NCKAP1: variants seen among roughly 807,000 people sequenced by gnomAD.
The protein encoded by NCKAP1 is nck-associated protein 1.
In NCKAP1, 21 loss-of-function variants were observed where a neutral mutation model predicts 151.2. That is an observed-to-expected ratio of 0.14 (90% CI 0.10 to 0.20). NCKAP1 has a LOEUF of 0.20. Ranked by LOEUF, NCKAP1 falls within the 10% of genes least tolerant of loss-of-function variation. The pLI, the probability that NCKAP1 is intolerant of heterozygous loss-of-function variation, is 1.00. For missense variants in NCKAP1, 933 were observed against 1,352.1 expected (o/e 0.69, Z 4.86); for synonymous variants, 484 against 451.8 (o/e 1.07, Z -0.90).
intron 17 of NCKAP1, among the ~76,000 whole-genome samples, chr2:182,964,342 G>A (rs934671524): frequency 2.0e-5 from 3 of 151,934 alleles, no homozygotes; most frequent in Non-Finnish European, 4.4e-5. Context: ...TTTAATTTTC[G>A]AGTCCTTTCC....
At chr2:182,972,906 A>G (rs1429347963) in intron 15 of NCKAP1, among the ~76,000 whole-genome samples, 2 of 152,180 alleles carry the variant, frequency 1.3e-5, no homozygotes, top group Non-Finnish European at 2.9e-5. Context: ...TAGGGAAGGT[A>G]GGAAGTGGGA....
chr2:182,961,729 T>TA (rs1697457902), intron 18 of NCKAP1, among the ~76,000 whole-genome samples: 1 of 145,970 alleles, frequency 6.9e-6, no homozygotes, highest in East Asian at 2.0e-4. Context: ...TAAAGTATAA[T>TA]AAAAAATAAA....
At chr2:183,014,860 G>T (rs1199343771) in intron 2 of NCKAP1, among the ~76,000 whole-genome samples, 1 of 152,202 alleles carries the variant, frequency 6.6e-6, no homozygotes, top group African/African-American at 2.4e-5. Context: ...AGGTCAATAG[G>T]TGATTAGGTA....
intron 23 of NCKAP1, among the ~76,000 whole-genome samples, chr2:182,946,580 G>C: frequency 6.6e-6 from 1 of 151,190 alleles, no homozygotes; most frequent in African/African-American, 2.4e-5. Flanking sequence ...ATGCACCCCT[G>C]AACGTAAAAT....
intron 2 of NCKAP1, among the ~76,000 whole-genome samples, chr2:183,008,833 G>C (rs1347441498): frequency 6.6e-6 from 1 of 152,048 alleles, no homozygotes; most frequent in Non-Finnish European, 1.5e-5. Context: ...TCCAGCAAAG[G>C]AAAGCATAAA....
intron 2 of NCKAP1, among the ~76,000 whole-genome samples, chr2:183,012,646 G>T (rs555363552): frequency 7.9e-4 from 115 of 145,168 alleles, no homozygotes; most frequent in Non-Finnish European, 1.5e-3. Flanking sequence ...TTTAGACAGA[G>T]TCTCACTCTG....
intron 14 of NCKAP1, among the ~76,000 whole-genome samples, chr2:182,978,419 C>T (rs1033025353): frequency 6.6e-6 from 1 of 152,070 alleles, no homozygotes; most frequent in African/African-American, 2.4e-5. Flanking sequence ...AACCCTCAAA[C>T]CCAGAGTTTC....
chr2:182,976,937 C>T lies in NCKAP1; in HGVS notation c.1438G>A (p.Val480Ile). The T allele has an allele frequency of 6.5e-7, 1 of 1,535,276 alleles. No individual in the cohort carries two copies. The highest frequency in any genetic ancestry group is 8.8e-7 in the Non-Finnish European group (1 of 1,136,526). The change falls in exon 15 of 31, where the codon GTA becomes ATA. Residue 480 changes from valine (V) to isoleucine (I), a missense_variant. Val to Ile is a conservative substitution (Grantham distance 29). Around this residue, in one of 2 missense-constraint regions of NCKAP1, gnomAD observed 607 missense variants for 795.0 expected, o/e 0.76. Coordinates refer to ENST00000361354, the MANE Select transcript of NCKAP1 (RefSeq NM_013436.5). ...AATCTCATTCCTCTGAAATCAAATACTTCCCCATCTTCAACTGTAGTAATA... is the reference window on the plus strand; with the variant it reads ...AATCTCATTCCTCTGAAATCAAATATTTCCCCATCTTCAACTGTAGTAATA... The part of the protein sequence containing the change: ...LSVKQVEDGE[V>I]FDFRGMRLDW...
At chr2:182,927,539 T>C (rs748487272) in intron 29 of NCKAP1, among the ~76,000 whole-genome samples, 52 of 151,466 alleles carry the variant, frequency 3.4e-4, no homozygotes, top group Non-Finnish European at 7.4e-5. Context: ...GAAAAGGTTA[T>C]ATTAATAAAG....
In NCKAP1 at chr2:182,984,423, G is replaced by GGTGTGTGTGTGTGTGTGTGTGTGTGT. The variant is rs4018678; in HGVS notation, c.1005-1067_1005-1042dup. On this transcript the variant is annotated intron_variant, in intron 10 of 30. Coordinates refer to ENST00000361354, the MANE Select transcript of NCKAP1 (RefSeq NM_013436.5). ...AAGAAAGTTTTAGAATTTAGATTGG[G>GGTGTGTGTGTGTGTGTGTGTGTGTGT]GTGTGTGTGTGTGTGTGTGTGTGTG... Among the ~76,000 whole-genome samples the GGTGTGTGTGTGTGTGTGTGTGTGTGT allele has an allele frequency of 3.6e-3, 521 of 144,386 alleles. 9 individuals are homozygous for GGTGTGTGTGTGTGTGTGTGTGTGTGT. The highest frequency in any genetic ancestry group is 5.0e-3 in the Non-Finnish European group (319 of 64,140). The allele number at this position is 144,386 out of a possible 152,430, so 94.7% of individuals were successfully genotyped here.
At chr2:182,996,334 T>A (rs1305093397) in intron 6 of NCKAP1, among the ~76,000 whole-genome samples, 3 of 152,272 alleles carry the variant, frequency 2.0e-5, no homozygotes, top group East Asian at 3.8e-4. Context: ...CTTCTCTTTA[T>A]CAACGGGTTT....
At position 182,972,224 on chromosome 2, in the gene NCKAP1, CAAAAAAAAAAAA is replaced by C. The variant is rs56834438; in HGVS notation, c.1482+4657_1482+4668del. Among the ~76,000 whole-genome samples the C allele has an allele frequency of 8.7e-4, 59 of 67,714 alleles. 2 individuals carry two copies. In the East Asian group the frequency reaches 9.6e-3, roughly 11 times the overall value. 44.4% of individuals were successfully genotyped at this position (67,714 alleles called of 152,430 possible). On this transcript the variant is annotated intron_variant, in intron 15 of 30. Transcript: ENST00000361354. The stretch of plus-strand genomic sequence containing the variant: ...ATAAGGAACTCAAACAGCTTAATAG[CAAAAAAAAAAAA>C]AAAAAAAAACAAAACTGATTTTAAA...
intron 11 of NCKAP1, 111 bp downstream of exon 11, chr2:182,983,175 A>G: frequency 1.2e-6 from 1 of 866,098 alleles, no homozygotes; most frequent in Non-Finnish European, 1.8e-6. Flanking sequence ...CACTAAATAT[A>G]AAAATCCTTT....
chr2:183,018,282 A>G (rs1345476488), intron 2 of NCKAP1, among the ~76,000 whole-genome samples: 1 of 152,146 alleles, frequency 6.6e-6, no homozygotes, highest in East Asian at 1.9e-4. Flanking sequence ...TGATACCTTA[A>G]GATGTTAAAT....
At chr2:182,958,111 T>G (rs1275979690) in intron 18 of NCKAP1, among the ~76,000 whole-genome samples, 2 of 152,144 alleles carry the variant, frequency 1.3e-5, no homozygotes, top group African/African-American at 4.8e-5. Context: ...CAGCGACAAT[T>G]TTTTAAAATA....
chr2:182,958,132 G>A (rs1697363065), intron 18 of NCKAP1, among the ~76,000 whole-genome samples: 1 of 152,064 alleles, frequency 6.6e-6, no homozygotes, highest in Admixed American at 6.6e-5. Context: ...GCCACAGCAT[G>A]AGGAGACATT....
At chr2:182,965,328 T>TA (rs1215556894) in intron 16 of NCKAP1, among the ~76,000 whole-genome samples, 20 of 147,422 alleles carry the variant, frequency 1.4e-4, no homozygotes, top group African/African-American at 4.9e-4. Flanking sequence ...ATTTTATTTT[T>TA]TTTTTTAACT....
intron 20 of NCKAP1, among the ~76,000 whole-genome samples, chr2:182,954,329 T>C (rs1697280341): frequency 1.3e-5 from 2 of 152,132 alleles, no homozygotes; most frequent in Non-Finnish European, 2.9e-5. Context: ...TTGAAAATAC[T>C]TCCCTAAATG....
chr2:182,911,069 C>T lies in NCKAP1; in HGVS notation c.*14633G>A, dbSNP rs1216553252. 5 of 151,910 alleles carry T rather than the reference C, an allele frequency of 3.3e-5. No homozygotes were observed. Among genetic ancestry groups the T allele is most frequent in the African/African-American group, 1.2e-4 (5 of 41,360 alleles). The allele number at this position is 151,910 out of a possible 1,614,324, so 9.4% of individuals were successfully genotyped here. A position where few individuals can be genotyped will look rare whatever the true frequency, so the allele number is the denominator to read the frequency against. On this transcript the variant is annotated 3_prime_UTR_variant, in exon 31 of 31. Transcript: ENST00000361354. ...GGTTGGGCACATCTCATTATACCCC[C>T]TCCTCACTAACTACCATTAGGTGTT...
Sources: gnomAD v4.1 joint callset for allele counts (sites outside exome capture counted in the v4.1 genomes callset) on GRCh38, gnomAD v4.1.1 for gene constraint, gnomAD v4.1.1 regional missense constraint, MANE v1.5 for transcripts, NCBI Gene and HGNC (gene_info 2026-07-23, HGNC 2026-07-21) for gene names.